The following HSPA12B variants were observed in gnomAD, a reference collection of about 807,000 sequenced individuals.
HSPA12B encodes the protein heat shock protein family A (Hsp70) member 12B.
A neutral mutation model predicts 69.3 loss-of-function variants in HSPA12B; 54 were observed. The observed-to-expected ratio is 0.78, with a 90% CI of 0.63 to 0.98. The LOEUF is 0.98. Among genes scored for constraint, HSPA12B ranks in the 50% least tolerant of loss-of-function variants. The pLI is 0.00. For missense variants in HSPA12B, 929 were observed against 999.8 expected (o/e 0.93, Z 0.96); for synonymous variants, 441 against 436.5 (o/e 1.01, Z -0.13).
rs11473544 is a variant in HSPA12B, at chr20:3,746,301, C to CT, written c.675+291dup. ...AAAAGCAGAGCCCAAGATGGAGAGTCTTTTTTTTTTTTTTTTTTTTTGAGA... is the reference window on the plus strand; with the variant it reads ...AAAAGCAGAGCCCAAGATGGAGAGTCTTTTTTTTTTTTTTTTTTTTTTGAGA... On this transcript the variant is annotated intron_variant, in intron 7 of 12. Transcript: ENST00000254963. 2.0e-4 allele frequency among the ~76,000 whole-genome samples: 18 copies of CT among 89,232 alleles called. 2 individuals are homozygous for CT. The highest frequency in any genetic ancestry group is 8.0e-4 in the East Asian group (2 of 2,506). 58.5% of individuals were successfully genotyped at this position (89,232 alleles called of 152,430 possible).
At position 3,748,301 on chromosome 20, in the gene HSPA12B, C is replaced by T. The variant is rs543465028; in HGVS notation, c.760C>T (p.Arg254Cys). ...CGCCTCGGTATACTGCCGCAAGCTG[C>T]GCCTGCACCAGCTCCTGGACCTGAG... Reference protein sequence around the residue: ...EAASVYCRKLRLHQLLDLSGR... With the variant: ...EAASVYCRKLCLHQLLDLSGR... Residue 254 changes from arginine (R) to cysteine (C), a missense_variant, in exon 8 of 13, where the codon CGC becomes TGC. Physicochemically the swap from Arg to Cys is radical, Grantham distance 180. Around this residue, in one of 3 missense-constraint regions of HSPA12B, gnomAD observed 477 missense variants for 535.2 expected, o/e 0.89. Transcript: ENST00000254963. 22 of 1,611,834 alleles carry T rather than the reference C, an allele frequency of 1.4e-5. No homozygotes were observed. The highest frequency in any genetic ancestry group is 4.5e-5 in the East Asian group (2 of 44,780).
Position 3,740,987 on chromosome 20 carries a change from C to A in HSPA12B, c.141+75C>A. The A allele has an allele frequency of 8.2e-7, 1 of 1,224,042 alleles. No homozygotes were observed. Among genetic ancestry groups the A allele is most frequent in the Non-Finnish European group, 1.2e-6 (1 of 860,592 alleles). The allele number at this position is 1,224,042 out of a possible 1,614,324, so 75.8% of individuals were successfully genotyped here. On this transcript the variant is annotated intron_variant, in intron 3 of 12. Coordinates refer to ENST00000254963, the MANE Select transcript of HSPA12B (RefSeq NM_052970.5). This position sits in a 1 kb window ranked among gnomAD's most constrained non-coding sequence, Gnocchi z 4.9. ...AGGGTCGTGCGTGGCAAAGTCATGA[C>A]AGGGCCTCAGCTAGGAAGGAGGAGG...
chr20:3,750,378 G>C, intron 11 of HSPA12B, 151 bp downstream of exon 11: 1 of 886,538 alleles, frequency 1.1e-6, no homozygotes, highest in Non-Finnish European at 1.7e-6. Context: ...GGGGCGGCGG[G>C]GAGCGGCGAG....
At position 3,749,338 on chromosome 20, in the gene HSPA12B, G is replaced by T; in HGVS notation, c.937+20G>T. 6.2e-7 allele frequency: 1 copy of T among 1,605,070 alleles called. No homozygotes were observed. Among genetic ancestry groups the T allele is most frequent in the Non-Finnish European group, 8.5e-7 (1 of 1,173,434 alleles). On this transcript the variant is annotated intron_variant, in intron 9 of 12. Transcript: ENST00000254963. This position sits in a 1 kb window ranked among gnomAD's most constrained non-coding sequence, Gnocchi z 5.5. The stretch of plus-strand genomic sequence containing the variant: ...AAGCAGGTAGGGGGAAAGGGGGACG[G>T]AGTGTTATCCTTGGCCCCTACCGGG...
At chr20:3,741,150 AC>A (rs549681719) in intron 3 of HSPA12B, among the ~76,000 whole-genome samples, 2 of 150,350 alleles carry the variant, frequency 1.3e-5, no homozygotes, top group East Asian at 2.0e-4. Flanking sequence ...CTAACTCCCA[AC>A]CCCCCCACAC....
rs1036155004 is a variant in HSPA12B, at chr20:3,745,869, C to T, written c.559-46C>T. 5 of 1,524,694 alleles carry T rather than the reference C, an allele frequency of 3.3e-6. No individual in the cohort carries two copies. The highest frequency in any genetic ancestry group is 3.6e-6 in the Non-Finnish European group (4 of 1,098,524). 94.4% of individuals were successfully genotyped at this position (1,524,694 alleles called of 1,614,324 possible). A position where few individuals can be genotyped will look rare whatever the true frequency, so the allele number is the denominator to read the frequency against. On this transcript the variant is annotated intron_variant, in intron 6 of 12. Coordinates refer to ENST00000254963, the MANE Select transcript of HSPA12B (RefSeq NM_052970.5). The surrounding 1 kb of genome is among the most constrained non-coding windows in gnomAD (Gnocchi z 5.6). ...AGTTCCGCAGAGGGCTGAAGACCAC[C>T]CTCCCTCCAAGCCAGCTTTCCTCTC... is the stretch of plus-strand genomic sequence containing the variant.
rs545756609 is a variant in HSPA12B, at chr20:3,740,471, C to G, written c.44-344C>G. 3.0e-4 allele frequency among the ~76,000 whole-genome samples: 46 copies of G among 152,308 alleles called. No homozygotes were observed. Among genetic ancestry groups the G allele is most frequent in the Non-Finnish European group, 5.7e-4 (39 of 68,004 alleles). On this transcript the variant is annotated intron_variant, in intron 2 of 12. Transcript: ENST00000254963. This position sits in a 1 kb window ranked among gnomAD's most constrained non-coding sequence, Gnocchi z 4.9. ...CCAGGAGCTCACCTGCCCTATCTCC[C>G]CTGCCCTTCCATCTCTGGACTGAGT...
In HSPA12B at chr20:3,737,717, C is replaced by T. The variant is rs1359736483; in HGVS notation, c.-17-941C>T. On this transcript the variant is annotated intron_variant, in intron 1 of 12. Transcript: ENST00000254963. The surrounding 1 kb of genome is among the most constrained non-coding windows in gnomAD (Gnocchi z 4.1). ...ACCCTATCTCAAAACAAACAAACAA[C>T]GAAGGCCAGGCACGGTGGCTCATGC... 2.0e-5 allele frequency among the ~76,000 whole-genome samples: 3 copies of T among 152,028 alleles called. No individual in the cohort carries two copies. Among genetic ancestry groups the T allele is most frequent in the South Asian group, 2.1e-4 (1 of 4,828 alleles).
rs906405174 is a variant in HSPA12B at position 3,746,365 on chromosome 20, T to G, written c.675+334T>G. ...TCGCCCAGGCTGGAGCGCAGTGGCG[T>G]GATCTCGGCTCACTGCAAGCTCTGC... is the stretch of plus-strand genomic sequence containing the variant. On this transcript the variant is annotated intron_variant, in intron 7 of 12. Transcript: ENST00000254963. Among the ~76,000 whole-genome samples, 5 of 124,096 alleles carry G rather than the reference T, an allele frequency of 4.0e-5. No individual in the cohort carries two copies. In the South Asian group the frequency reaches 8.8e-4, roughly 22 times the overall value. 81.4% of individuals were successfully genotyped at this position (124,096 alleles called of 152,430 possible).
intron 7 of HSPA12B, among the ~76,000 whole-genome samples, chr20:3,746,917 G>C (rs2088317065): frequency 6.6e-6 from 1 of 152,202 alleles, no homozygotes; most frequent in African/African-American, 2.4e-5. Flanking sequence ...TGAGCCAATA[G>C]CAGCCAACAC....
chr20:3,741,986 G>A (rs959962624), intron 3 of HSPA12B, among the ~76,000 whole-genome samples: 1 of 152,170 alleles, frequency 6.6e-6, no homozygotes, highest in Non-Finnish European at 1.5e-5. Flanking sequence ...GGTGTGAGGT[G>A]GGGGTGGGGC....
In HSPA12B at chr20:3,752,124, C is replaced by T. The variant is rs758091356; in HGVS notation, c.2019C>T (p.Thr673=). ...EIKVTAVDVS[T]NRSVRASIDF... ...AGGTCACCGCCGTCGACGTCAGCACCAATCGCTCCGTGCGCGCGTCCATCG... is the reference window on the plus strand; with the variant it reads ...AGGTCACCGCCGTCGACGTCAGCACTAATCGCTCCGTGCGCGCGTCCATCG... The change falls in exon 13 of 13, where the codon ACC becomes ACT. Residue 673 remains threonine (T), a synonymous_variant. Coordinates refer to ENST00000254963, the MANE Select transcript of HSPA12B (RefSeq NM_052970.5). The T allele has an allele frequency of 2.9e-5, 43 of 1,488,378 alleles. No homozygotes were observed. The highest frequency in any genetic ancestry group is 3.7e-5 in the Non-Finnish European group (42 of 1,126,376). The allele number at this position is 1,488,378 out of a possible 1,614,324, so 92.2% of individuals were successfully genotyped here. A position where few individuals can be genotyped will look rare whatever the true frequency, so the allele number is the denominator to read the frequency against.
rs1405696195 is a variant in HSPA12B, at chr20:3,751,607, C to A, written c.1502C>A (p.Ala501Glu). The A allele has an allele frequency of 6.5e-7, 1 of 1,527,730 alleles. No individual in the cohort carries two copies. The highest frequency in any genetic ancestry group is 8.8e-7 in the Non-Finnish European group (1 of 1,140,338). The allele number at this position is 1,527,730 out of a possible 1,614,324, so 94.6% of individuals were successfully genotyped here. A position where few individuals can be genotyped will look rare whatever the true frequency, so the allele number is the denominator to read the frequency against. The change falls in exon 13 of 13, where the codon GCG (alanine) becomes GAG (glutamate). Residue 501 changes from alanine to glutamate, a missense_variant. By Grantham distance (107) the Ala-to-Glu change is moderately radical (BLOSUM62 -1). This residue lies in a region of HSPA12B where 448 missense variants were observed against 448.1 expected (regional missense o/e 1.00). Transcript: ENST00000254963. ...GCGGTGCTGCAGCACGCGGTGCAGG[C>A]GGCGCTGGGCGCCCGCGGTCTGCGT... is the stretch of plus-strand genomic sequence containing the variant. ...ESAVLQHAVQAALGARGLRVV... is the reference protein window; with the variant it reads ...ESAVLQHAVQEALGARGLRVV...
rs1422685440 is a variant in HSPA12B, at chr20:3,737,067, AATAAATAAATAAAT to A, written c.-17-1589_-17-1576del. ...TGAGACTCTGCCTCAAAAATAAATA[AATAAATAAATAAAT>A]AAATAAATAAATAAATAAATAAATA... On this transcript the variant is annotated intron_variant, in intron 1 of 12. Transcript: ENST00000254963. This position sits in a 1 kb window ranked among gnomAD's most constrained non-coding sequence, Gnocchi z 4.1. Among the ~76,000 whole-genome samples the A allele has an allele frequency of 1.0e-4, 2 of 19,694 alleles. No individual in the cohort carries two copies. The highest frequency in any genetic ancestry group is 4.5e-4 in the African/African-American group (2 of 4,420). The allele number at this position is 19,694 out of a possible 152,430, so 12.9% of individuals were successfully genotyped here. A position where few individuals can be genotyped will look rare whatever the true frequency, so the allele number is the denominator to read the frequency against.
At chr20:3,738,823 A>G in intron 2 of HSPA12B, 106 bp downstream of exon 2, 2 of 1,177,222 alleles carry the variant, frequency 1.7e-6, no homozygotes, top group Non-Finnish European at 2.5e-6. Flanking sequence ...GAGCTTCCCA[A>G]CAGCTCTTCT....
rs1211138885 is a variant in HSPA12B, at chr20:3,740,094, C to T, written c.44-721C>T. Among the ~76,000 whole-genome samples the T allele has an allele frequency of 2.6e-5, 4 of 151,994 alleles. No homozygotes were observed. Among genetic ancestry groups the T allele is most frequent in the African/African-American group, 9.7e-5 (4 of 41,266 alleles). On this transcript the variant is annotated intron_variant, in intron 2 of 12. Transcript: ENST00000254963. The surrounding 1 kb of genome is among the most constrained non-coding windows in gnomAD (Gnocchi z 4.9). Reference sequence around the variant, plus strand: ...AAGGTCCAGCTCAGTCCCAGGCGTGCAAGAGGGTCTTGATGGGGCGTCCTG... The same window carrying T: ...AAGGTCCAGCTCAGTCCCAGGCGTGTAAGAGGGTCTTGATGGGGCGTCCTG...
chr20:3,746,441 T>G (rs985606717), intron 7 of HSPA12B, among the ~76,000 whole-genome samples: 1 of 150,616 alleles, frequency 6.6e-6, no homozygotes, highest in African/African-American at 2.4e-5. Context: ...TAGCTGGGAC[T>G]ACAGGTGCCC....
At position 3,740,818 on chromosome 20, in the gene HSPA12B, C is replaced by G; in HGVS notation, c.47C>G (p.Ser16Cys). ...AACTGCCGTCTCTTCTCTGCAGGCT[C>G]CAGCCCGGAGCGGTCCCCAGTGCCT... The part of the protein sequence containing the change: ...EMGLQGLYIG[S>C]SPERSPVPSP... The change falls in exon 3 of 13, where the codon TCC becomes TGC. Residue 16 changes from serine (S) to cysteine (C), a missense_variant. Coordinates refer to ENST00000254963, the MANE Select transcript of HSPA12B (RefSeq NM_052970.5). The surrounding 1 kb of genome is among the most constrained non-coding windows in gnomAD (Gnocchi z 4.9). The G allele has an allele frequency of 6.2e-7, 1 of 1,613,436 alleles. No individual in the cohort carries two copies. The highest frequency in any genetic ancestry group is 8.5e-7 in the Non-Finnish European group (1 of 1,179,822).
Position 3,750,807 on chromosome 20 carries a change from G to A in HSPA12B, c.1305G>A (p.Val435=), listed in dbSNP as rs1256186376. The change falls in exon 12 of 13, where the codon GTG becomes GTA. Residue 435 remains valine (V), a synonymous_variant. Coordinates refer to ENST00000254963, the MANE Select transcript of HSPA12B (RefSeq NM_052970.5). ...TTGCCCCTTTCACCACCAACAGCGT[G>A]AACTTCGTGAAGTGGTCCTCACAGG... ...NVETALRRSS[V]NFVKWSSQGM... 4 of 1,613,694 alleles carry A rather than the reference G, an allele frequency of 2.5e-6. No homozygotes were observed. The African/African-American group carries it at 4.0e-5, about 16-fold the overall frequency.
Sources: allele counts gnomAD v4.1 joint callset (sites outside exome capture counted in the v4.1 genomes callset), GRCh38; gene constraint gnomAD v4.1.1; regional missense constraint gnomAD v4.1.1; non-coding constraint Gnocchi (gnomAD v3.1); transcripts MANE v1.5; gene names NCBI Gene and HGNC (gene_info 2026-07-23, HGNC 2026-07-21).